KIR2DL3: variants seen among roughly 807,000 people sequenced by gnomAD.
KIR2DL3 encodes the protein killer cell immunoglobulin like receptor, two Ig domains and long cytoplasmic tail 3, also known as killer cell immunoglobulin-like receptor 2DL3.
In KIR2DL3, 39 loss-of-function variants were observed where a neutral mutation model predicts 33.8. The ratio of observed to expected loss-of-function variants is 1.15; its 90% CI spans 0.89 to 1.51. KIR2DL3 has a LOEUF of 1.51. Ranked by LOEUF, KIR2DL3 falls within the 40% of genes most tolerant of loss-of-function variation. The probability of loss-of-function intolerance (pLI) is 0.00; values close to 1 mark genes in which losing one functional copy is unlikely to be tolerated. For missense variants in KIR2DL3, 462 were observed against 426.2 expected, an observed-to-expected ratio of 1.08 and a Z score of -0.74; for synonymous variants, 174 against 160.2, an observed-to-expected ratio of 1.09 and a Z score of -0.65.
chr19:54,742,913 G>C (rs2071449902), intron 3 of KIR2DL3, among the ~76,000 whole-genome samples: 1 of 151,474 alleles, frequency 6.6e-6, no homozygotes, highest in Non-Finnish European at 1.5e-5. Context: ...AAAAAGCAAA[G>C]ACATAAACAC....
intron 4 of KIR2DL3, among the ~76,000 whole-genome samples, chr19:54,744,529 CATT>C (rs910411942): frequency 1.3e-4 from 20 of 149,008 alleles, no homozygotes; most frequent in Non-Finnish European, 2.4e-4. Context: ...CCACCTTTAA[CATT>C]TTTTTTTTTT....
chr19:54,744,685 C>T lies in KIR2DL3; in HGVS notation c.664+597C>T, dbSNP rs1207191513. Among the ~76,000 whole-genome samples, 34 of 150,490 alleles carry T rather than the reference C, an allele frequency of 2.3e-4. 1 individual carries two copies. Among genetic ancestry groups the T allele is most frequent in the African/African-American group, 8.1e-4 (33 of 40,840 alleles). On this transcript the variant is annotated intron_variant, in intron 4 of 7. Transcript: ENST00000342376. ...GGTGCTACAGGCGCGCACCACCACG[C>T]CAGGCTACTTTTTGTATTTTTAGTA...
chr19:54,744,897 T>TATATATATATATATAC (rs1555906428), intron 4 of KIR2DL3, among the ~76,000 whole-genome samples: 15 of 57,464 alleles, frequency 2.6e-4, no homozygotes, highest in Non-Finnish European at 4.6e-4. Context: ...TATATATATA[T>TATATATATATATATAC]ACACACACAC....
At chr19:54,746,888 C>T (rs1369695640) in intron 4 of KIR2DL3, among the ~76,000 whole-genome samples, 1 of 135,570 alleles carries the variant, frequency 7.4e-6, no homozygotes, top group Admixed American at 7.8e-5. Context: ...AGTTTGAGGC[C>T]AGAGAATTGA....
chr19:54,740,420 T>C (rs796639368), intron 2 of KIR2DL3, among the ~76,000 whole-genome samples: 32 of 150,934 alleles, frequency 2.1e-4, no homozygotes, highest in African/African-American at 3.7e-4. Flanking sequence ...TACAACAGAA[T>C]ATTCTGGAAC....
intron 4 of KIR2DL3, among the ~76,000 whole-genome samples, chr19:54,744,893 T>C (rs1332131312): frequency 4.3e-4 from 24 of 55,940 alleles, no homozygotes; most frequent in East Asian, 3.4e-3. Context: ...TATATATATA[T>C]ATATACACAC....
At chr19:54,746,939 A>C (rs2072597396) in intron 4 of KIR2DL3, among the ~76,000 whole-genome samples, 1 of 146,922 alleles carries the variant, frequency 6.8e-6, no homozygotes, top group Non-Finnish European at 1.5e-5. Flanking sequence ...CCGAGATTGC[A>C]CCTCTGCACT....
intron 2 of KIR2DL3, 144 bp from the exon 3 acceptor site, chr19:54,741,836 A>G (rs2071179611): frequency 8.4e-7 from 1 of 1,192,698 alleles, no homozygotes; most frequent in Non-Finnish European, 1.2e-6. Flanking sequence ...CTGCACCAGG[A>G]GTTAAGGGCA....
rs762241430 is a variant in KIR2DL3, at chr19:54,747,398, C to G, written c.715+13C>G. On this transcript the variant is annotated intron_variant, in intron 5 of 7. Coordinates refer to ENST00000342376, the MANE Select transcript of KIR2DL3 (RefSeq NM_015868.3). ...AGCTCCGAAACCGGTGAGTACAGAA[C>G]CCTCTTATATCCGCTTTTGGAAACC... is the stretch of plus-strand genomic sequence containing the variant. The G allele has an allele frequency of 1.2e-6, 2 of 1,609,940 alleles. No individual in the cohort carries two copies. The highest frequency in any genetic ancestry group is 8.5e-7 in the Non-Finnish European group (1 of 1,176,524).
chr19:54,752,149 A>G lies in KIR2DL3; in HGVS notation c.821-67A>G, dbSNP rs374222801. On this transcript the variant is annotated intron_variant, in intron 6 of 7. Transcript: ENST00000342376. ...CTATGGTCTCCCCCTGTATGTTGGT[A>G]TCTGCTTATGAAATGAGGGCCCAGA... 80 of 1,415,570 alleles carry G rather than the reference A, an allele frequency of 5.7e-5. 13 individuals are homozygous for G. The highest frequency in any genetic ancestry group is 1.5e-4 in the South Asian group (11 of 73,726). The allele number at this position is 1,415,570 out of a possible 1,614,324, so 87.7% of individuals were successfully genotyped here.
chr19:54,744,944 ATATATATATATTTT>A lies in KIR2DL3; in HGVS notation c.664+858_664+871del, dbSNP rs1568967599. On this transcript the variant is annotated intron_variant, in intron 4 of 7. Coordinates refer to ENST00000342376, the MANE Select transcript of KIR2DL3 (RefSeq NM_015868.3). ...AACATATATATATATATATATATAT[ATATATATATATTTT>A]TTTTTTTTTTTTTTTTTTTACCCTC... 1.5e-4 allele frequency among the ~76,000 whole-genome samples: 4 copies of A among 26,824 alleles called. No individual in the cohort carries two copies. The East Asian group carries it at 2.4e-3, about 16-fold the overall frequency. The allele number at this position is 26,824 out of a possible 152,430, so 17.6% of individuals were successfully genotyped here.
At chr19:54,744,950 A>ATTTTT (rs2072171546) in intron 4 of KIR2DL3, among the ~76,000 whole-genome samples, 9 of 26,782 alleles carry the variant, frequency 3.4e-4, no homozygotes, top group East Asian at 8.5e-4. Context: ...ATATATATAT[A>ATTTTT]TATATTTTTT....
In KIR2DL3 at chr19:54,742,165, T is replaced by C; in HGVS notation, c.256T>C (p.Ser86Pro). 6.2e-7 allele frequency: 1 copy of C among 1,614,076 alleles called. No individual in the cohort carries two copies. Among genetic ancestry groups the C allele is most frequent in the Non-Finnish European group, 8.5e-7 (1 of 1,180,002 alleles). Residue 86 changes from serine to proline, a missense_variant, in exon 3 of 8, where the codon TCC (serine) becomes CCC (proline). Ser to Pro is a moderately conservative substitution (Grantham distance 74). Transcript: ENST00000342376. ...HHDGVSKANF[S>P]IGPMMQDLAG... ...TGATGGGGTCTCCAAGGCCAACTTC[T>C]CCATCGGTCCCATGATGCAAGACCT...
chr19:54,743,683 G>C (rs1407901815), intron 3 of KIR2DL3, 112 bp from the exon 4 acceptor site: 19 of 931,798 alleles, frequency 2.0e-5, no homozygotes, highest in Non-Finnish European at 2.9e-5. Flanking sequence ...GGGTGAGAGA[G>C]AGAGAGAGAG....
intron 2 of KIR2DL3, among the ~76,000 whole-genome samples, chr19:54,739,756 C>G (rs1478401258): frequency 6.6e-6 from 1 of 152,138 alleles, no homozygotes; most frequent in Admixed American, 6.5e-5. Context: ...GTGCTCAAAG[C>G]TGGGGTGTGT....
chr19:54,751,797 G>A, intron 6 of KIR2DL3, 44 bp downstream of exon 6: 2 of 1,377,470 alleles, frequency 1.5e-6, no homozygotes, highest in Non-Finnish European at 2.0e-6. Flanking sequence ...GGGCCATGTG[G>A]GGAAGCAGGA....
At position 54,744,239 on chromosome 19, in the gene KIR2DL3, G is replaced by C. The variant is rs2071813865; in HGVS notation, c.664+151G>C. On this transcript the variant is annotated intron_variant, in intron 4 of 7. Coordinates refer to ENST00000342376, the MANE Select transcript of KIR2DL3 (RefSeq NM_015868.3). ...GGATCAGGGCACAGGATGGCAGACA[G>C]GGCACCTCCAAACCCTCCTACACGG... 3.1e-6 allele frequency: 4 copies of C among 1,299,754 alleles called. No homozygotes were observed. The South Asian group carries it at 3.9e-5, about 13-fold the overall frequency. 80.5% of individuals were successfully genotyped at this position (1,299,754 alleles called of 1,614,324 possible). A position where few individuals can be genotyped will look rare whatever the true frequency, so the allele number is the denominator to read the frequency against.
Position 54,742,112 on chromosome 19 carries a change from A to T in KIR2DL3, c.203A>T (p.Asp68Val). ...CTGCACAGAGAAGGGAAGTTTAAGG[A>T]CACTTTGCACCTCATTGGAGAGCAC... ...FLLHREGKFK[D>V]TLHLIGEHHD... Residue 68 changes from aspartate (D) to valine (V), a missense_variant, in exon 3 of 8, where the codon GAC (aspartate) becomes GTC (valine). By Grantham distance (152) the Asp-to-Val change is radical (BLOSUM62 -3). Coordinates refer to ENST00000342376, the MANE Select transcript of KIR2DL3 (RefSeq NM_015868.3). 1 of 1,613,826 alleles carries T rather than the reference A, an allele frequency of 6.2e-7. No homozygotes were observed. The highest frequency in any genetic ancestry group is 2.2e-5 in the East Asian group (1 of 44,862).
At chr19:54,740,926 A>G (rs1241061168) in intron 2 of KIR2DL3, among the ~76,000 whole-genome samples, 4 of 151,624 alleles carry the variant, frequency 2.6e-5, no homozygotes, top group African/African-American at 9.7e-5. Flanking sequence ...TTGAAGGTGG[A>G]GGAAGGCCAA....
Sources: gnomAD v4.1 joint callset for allele counts (sites outside exome capture counted in the v4.1 genomes callset) on GRCh38, gnomAD v4.1.1 for gene constraint, MANE v1.5 for transcripts, NCBI Gene and HGNC (gene_info 2026-07-23, HGNC 2026-07-21) for gene names.